Variants in ADAM2 observed in about 807,000 individuals in gnomAD.
ADAM2 encodes the protein disintegrin and metalloproteinase domain-containing protein 2.
ADAM2 carries 101 observed loss-of-function variants against 99.3 expected under a neutral mutation model. The ratio of observed to expected loss-of-function variants is 1.02; its 90% confidence interval spans 0.87 to 1.20. ADAM2 has a LOEUF of 1.20. Ranked by LOEUF, ADAM2 falls within the 50% of genes most tolerant of loss-of-function variation. ADAM2 has a pLI of 0.00. For synonymous variants in ADAM2, 323 were observed against 287.6 expected (o/e 1.12, Z -1.25); for missense variants, 948 against 878.7 (o/e 1.08, Z -1.00).
At chr8:39,837,979 G>C (rs1190687157) in intron 1 of ADAM2, 152 bp downstream of exon 1, 12 of 787,792 alleles carry the variant, frequency 1.5e-5, no homozygotes, top group Admixed American at 2.4e-5. Context: ...ATTTTGGGTG[G>C]GGAAGGCGGC....
intron 7 of ADAM2, among the ~76,000 whole-genome samples, chr8:39,808,221 C>CA (rs1554528463): frequency 6.7e-6 from 1 of 149,980 alleles, no homozygotes; most frequent in Non-Finnish European, 1.5e-5. Context: ...CACACACACA[C>CA]AATTACAAGT....
rs545341433 is a variant in ADAM2 at position 39,837,139 on chromosome 8, C to A, written c.129G>T (p.Ser43=). The change falls in exon 2 of 21, where the codon TCG becomes TCT. Residue 43 remains serine (S), a synonymous_variant. Coordinates refer to ENST00000265708, the MANE Select transcript of ADAM2 (RefSeq NM_001464.5). ...IRSIIKEGIE[S]QASYKIVIEG... Reference sequence around the variant, plus strand: ...AATACTGTTAGTGATTCATTACCTGCGATTCAATTCCTTCCTTTATTATTG... The same window carrying A: ...AATACTGTTAGTGATTCATTACCTGAGATTCAATTCCTTCCTTTATTATTG... 1 of 1,592,066 alleles carries A rather than the reference C, an allele frequency of 6.3e-7. No individual in the cohort carries two copies. The highest frequency in any genetic ancestry group is 1.1e-5 in the South Asian group (1 of 88,198).
chr8:39,756,037 T>A, intron 15 of ADAM2, 126 bp from the exon 16 acceptor site: 1 of 504,934 alleles, frequency 2.0e-6, no homozygotes, highest in Non-Finnish European at 3.3e-6. Context: ...CAATTCGTTT[T>A]AAAACACCAA....
chr8:39,746,369 C>A, intron 19 of ADAM2, 103 bp downstream of exon 19: 1 of 821,324 alleles, frequency 1.2e-6, no homozygotes, highest in Non-Finnish European at 1.8e-6. Context: ...CATATAAAGA[C>A]AATAATTGAA....
intron 14 of ADAM2, among the ~76,000 whole-genome samples, chr8:39,762,728 A>G (rs1802418756): frequency 6.6e-6 from 1 of 152,216 alleles, no homozygotes; most frequent in South Asian, 2.1e-4. Flanking sequence ...ATTTATGCTT[A>G]AAATTTCTAT....
chr8:39,766,199 T>G (rs1411747380), intron 14 of ADAM2, among the ~76,000 whole-genome samples: 1 of 152,178 alleles, frequency 6.6e-6, no homozygotes, highest in Non-Finnish European at 1.5e-5. Context: ...AACTTATAAT[T>G]ACTTTAATGT....
At chr8:39,756,045 CA>C in intron 15 of ADAM2, 134 bp from the exon 16 acceptor site, 4 of 485,308 alleles carry the variant, frequency 8.2e-6, no homozygotes, top group Admixed American at 8.1e-5. Context: ...TTTAAAACAC[CA>C]AAAAAAGAGC....
At chr8:39,769,096 T>C (rs1050288333) in intron 12 of ADAM2, among the ~76,000 whole-genome samples, 1 of 152,222 alleles carries the variant, frequency 6.6e-6, no homozygotes. Context: ...AATCATCAAG[T>C]TGTATAACTT....
In ADAM2 at chr8:39,832,782, T is replaced by A. The variant is rs1805669298; in HGVS notation, c.188+1162A>T. Among the ~76,000 whole-genome samples, 10 of 152,206 alleles carry A rather than the reference T, an allele frequency of 6.6e-5. 1 individual carries two copies. In the South Asian group the frequency reaches 2.1e-3, roughly 32 times the overall value. On this transcript the variant is annotated intron_variant, in intron 3 of 20. Transcript: ENST00000265708. ...AGATTTTTTTATTTTAGTATGTGAT[T>A]TTTTTTCTTAAGTACCTTTTCACCG... is the stretch of plus-strand genomic sequence containing the variant.
chr8:39,824,567 T>C (rs1805324754), intron 4 of ADAM2, among the ~76,000 whole-genome samples: 1 of 152,204 alleles, frequency 6.6e-6, no homozygotes, highest in Non-Finnish European at 1.5e-5. Context: ...ATTTAGTCCC[T>C]ATCACCTCAG....
At chr8:39,773,049 T>C (rs1408838363) in intron 11 of ADAM2, among the ~76,000 whole-genome samples, 1 of 151,874 alleles carries the variant, frequency 6.6e-6, no homozygotes. Context: ...AACACAATTA[T>C]TAAATAAGTC....
At chr8:39,805,587 AAATAAT>A (rs1179050503) in intron 7 of ADAM2, among the ~76,000 whole-genome samples, 1 of 152,262 alleles carries the variant, frequency 6.6e-6, no homozygotes, top group East Asian at 1.9e-4. Context: ...CTATGGTAAA[AAATAAT>A]AATAATAATG....
chr8:39,798,237 T>C (rs1281717464), intron 7 of ADAM2, among the ~76,000 whole-genome samples: 1 of 152,222 alleles, frequency 6.6e-6, no homozygotes, highest in Non-Finnish European at 1.5e-5. Context: ...TATTGAGGGT[T>C]TTTAACATGA....
chr8:39,774,770 C>G (rs984393361), intron 11 of ADAM2: 2 of 151,980 alleles, frequency 1.3e-5, no homozygotes, highest in Non-Finnish European at 2.9e-5. Context: ...TTTTCTTTAC[C>G]ATTACAACTA....
rs759259327 is a variant in ADAM2, at chr8:39,769,565, C to T, written c.1039G>A (p.Gly347Ser). Residue 347 changes from glycine to serine, a missense_variant, in exon 12 of 21, where the codon GGT (glycine) becomes AGT (serine). Gly to Ser is a moderately conservative substitution (Grantham distance 56, BLOSUM62 0). Transcript: ENST00000265708. ...CTGCAGTTACTAAAGATCTTCACAC[C>T]ACTGAAATGACTAAAGACACATCAA... ...IMNPEAIHFS[G>S]VKIFSNCSFE... 6.2e-7 allele frequency: 1 copy of T among 1,611,992 alleles called. No homozygotes were observed. Among genetic ancestry groups the T allele is most frequent in the South Asian group, 1.1e-5 (1 of 90,978 alleles).
intron 6 of ADAM2, among the ~76,000 whole-genome samples, chr8:39,820,211 G>C (rs913752813): frequency 1.3e-5 from 2 of 152,118 alleles, no homozygotes; most frequent in Admixed American, 6.6e-5. Context: ...AGAAAGAAGA[G>C]AATAAGCCAA....
chr8:39,745,453 T>C (rs1424472787), intron 19 of ADAM2, among the ~76,000 whole-genome samples: 1 of 152,078 alleles, frequency 6.6e-6, no homozygotes, highest in African/African-American at 2.4e-5. Flanking sequence ...TCAAGTAAAA[T>C]GAAGGACATA....
In ADAM2 at chr8:39,744,033, G is replaced by A. The variant is rs1251142525; in HGVS notation, c.*62C>T. On this transcript the variant is annotated 3_prime_UTR_variant, in exon 21 of 21. Transcript: ENST00000265708. ...CATTCTTTTCTTTCCATTTTTTTGTGTCCATCCATCACAGATAATTACTCT... is the reference window on the plus strand; with the variant it reads ...CATTCTTTTCTTTCCATTTTTTTGTATCCATCCATCACAGATAATTACTCT... The A allele has an allele frequency of 6.6e-6, 1 of 151,458 alleles. No homozygotes were observed. Among genetic ancestry groups the A allele is most frequent in the Non-Finnish European group, 1.5e-5 (1 of 67,898 alleles). 9.4% of individuals were successfully genotyped at this position (151,458 alleles called of 1,614,324 possible).
chr8:39,813,336 T>A (rs1032144630), intron 6 of ADAM2, among the ~76,000 whole-genome samples: 1 of 152,204 alleles, frequency 6.6e-6, no homozygotes, highest in African/African-American at 2.4e-5. Flanking sequence ...TATAAACTAG[T>A]TCAACACTTG....
Sources: gnomAD v4.1 joint callset for allele counts (sites outside exome capture counted in the v4.1 genomes callset) on GRCh38, gnomAD v4.1.1 for gene constraint, MANE v1.5 for transcripts, NCBI Gene and HGNC (gene_info 2026-07-23, HGNC 2026-07-21) for gene names.